The following NTRK2 variants were observed in gnomAD, a reference collection of about 807,000 sequenced individuals.
NTRK2 encodes BDNF/NT-3 growth factors receptor.
In NTRK2, 13 loss-of-function variants were observed where a neutral mutation model predicts 94.5. The observed-to-expected ratio is 0.14, with a 90% CI of 0.09 to 0.22. The LOEUF is 0.22. Among genes scored for constraint, NTRK2 ranks in the 10% least tolerant of loss-of-function variants. The probability of loss-of-function intolerance (pLI) is 1.00; values close to 1 mark genes in which losing one functional copy is unlikely to be tolerated. For synonymous variants in NTRK2, 372 were observed against 407.4 expected (o/e 0.91, Z 1.05); for missense variants, 639 against 1,071.2 (o/e 0.60, Z 5.63).
At chr9:84,766,446 C>T (rs887420213) in intron 12 of NTRK2, among the ~76,000 whole-genome samples, 2 of 151,896 alleles carry the variant, frequency 1.3e-5, no homozygotes, top group Non-Finnish European at 1.5e-5. Flanking sequence ...TACTTGGATA[C>T]GACAGAAATT....
At position 84,702,334 on chromosome 9, in the gene NTRK2, ATG is replaced by A. The variant is rs771688605; in HGVS notation, c.288-10_288-9del. 1.6e-5 allele frequency: 26 copies of A among 1,613,880 alleles called. No individual in the cohort carries two copies. Among genetic ancestry groups the A allele is most frequent in the Admixed American group, 1.7e-5 (1 of 60,008 alleles). Reference sequence around the variant, plus strand: ...GGTTCGTTCTAATGTGCATGAAATTATGTGTTTTCACAGGACAATTGTGGATT... The same window carrying A: ...GGTTCGTTCTAATGTGCATGAAATTATGTTTTCACAGGACAATTGTGGATT... On this transcript the variant is annotated splice_polypyrimidine_tract_variant and intron_variant, in intron 3 of 18. Coordinates refer to ENST00000277120, the MANE Select transcript of NTRK2 (RefSeq NM_006180.6).
At chr9:84,785,092 G>C (rs989954922) in intron 12 of NTRK2, among the ~76,000 whole-genome samples, 2 of 152,262 alleles carry the variant, frequency 1.3e-5, no homozygotes, top group African/African-American at 4.8e-5. Flanking sequence ...CATTTCACTA[G>C]AGAAAGCACC....
intron 14 of NTRK2, chr9:84,871,695 T>C: frequency 9.7e-7 from 1 of 1,029,672 alleles, no homozygotes; most frequent in African/African-American, 1.6e-5. Flanking sequence ...ATTTACAAAG[T>C]CCAGAGATGG....
chr9:84,839,225 G>A (rs146492853), intron 12 of NTRK2, among the ~76,000 whole-genome samples: 44 of 152,288 alleles, frequency 2.9e-4, no homozygotes, highest in African/African-American at 1.1e-3. Flanking sequence ...CATCAGAAGA[G>A]TCAAATACAC....
intron 12 of NTRK2, among the ~76,000 whole-genome samples, chr9:84,835,491 C>T (rs1020968133): frequency 2.0e-5 from 3 of 151,742 alleles, no homozygotes; most frequent in Admixed American, 2.0e-4. Context: ...GATATGTTTT[C>T]TGGCCACTAC....
chr9:84,880,566 C>T (rs767174897), intron 14 of NTRK2, among the ~76,000 whole-genome samples: 1 of 152,172 alleles, frequency 6.6e-6, no homozygotes, highest in Non-Finnish European at 1.5e-5. Flanking sequence ...CTTTAGAGAG[C>T]CGTTTTAAAA....
At chr9:84,955,592 G>A (rs755447868) in intron 17 of NTRK2, 75 bp downstream of exon 17, 1 of 1,222,430 alleles carries the variant, frequency 8.2e-7, no homozygotes, top group Non-Finnish European at 1.2e-6. Context: ...GTTTGCTGAG[G>A]CTGTCATAAC....
At chr9:84,816,875 A>G (rs1022036334) in intron 12 of NTRK2, among the ~76,000 whole-genome samples, 13 of 152,162 alleles carry the variant, frequency 8.5e-5, no homozygotes, top group South Asian at 2.1e-4. Flanking sequence ...TGTTGAACGA[A>G]GAACAGGTTG....
intron 12 of NTRK2, among the ~76,000 whole-genome samples, chr9:84,840,274 T>G (rs1455232964): frequency 2.0e-5 from 3 of 151,032 alleles, no homozygotes; most frequent in African/African-American, 7.3e-5. Context: ...TCTTTTTTTT[T>G]TTTTTTTTTT....
At chr9:84,758,621 C>T (rs1422882020) in intron 12 of NTRK2, among the ~76,000 whole-genome samples, 1 of 152,142 alleles carries the variant, frequency 6.6e-6, no homozygotes, top group East Asian at 1.9e-4. Context: ...AAACTCCCGA[C>T]CTCAGGTGAT....
chr9:84,797,723 TTATATATTATATATACTATAA>T (rs1564298344), intron 12 of NTRK2, among the ~76,000 whole-genome samples: 2 of 78,974 alleles, frequency 2.5e-5, no homozygotes, highest in African/African-American at 1.1e-4. Flanking sequence ...AATATATATA[TTATATATTATATATACTATAA>T]TATATATTAT....
chr9:84,723,977 C>CT (rs1446510927), intron 7 of NTRK2, among the ~76,000 whole-genome samples: 1 of 152,220 alleles, frequency 6.6e-6, no homozygotes, highest in Non-Finnish European at 1.5e-5. Flanking sequence ...AAGCGAGTGA[C>CT]TTTCCCTGTG....
At position 84,949,331 on chromosome 9, in the gene NTRK2, G is replaced by A. The variant is rs188085078; in HGVS notation, c.1937+697G>A. 2.0e-5 allele frequency among the ~76,000 whole-genome samples: 3 copies of A among 152,306 alleles called. No homozygotes were observed. In the East Asian group the frequency reaches 5.8e-4, roughly 29 times the overall value. ...ACTGAGAAGTTTTGTGGGATGTGGGGTCTTCAGAAAAAGGCAAGGCAAGGA... is the reference window on the plus strand; with the variant it reads ...ACTGAGAAGTTTTGTGGGATGTGGGATCTTCAGAAAAAGGCAAGGCAAGGA... On this transcript the variant is annotated intron_variant, in intron 16 of 18. Transcript: ENST00000277120.
rs758487248 is a variant in NTRK2, at chr9:84,745,046, T to C, written c.1269T>C (p.Thr423=). The C allele has an allele frequency of 3.1e-6, 5 of 1,613,700 alleles. No homozygotes were observed. Among genetic ancestry groups the C allele is most frequent in the Non-Finnish European group, 3.4e-6 (4 of 1,179,854 alleles). ...ATGAAATCCCTTCCACAGACGTCACTGATAAAACCGGTCGGGAACATCTCT... is the reference window on the plus strand; with the variant it reads ...ATGAAATCCCTTCCACAGACGTCACCGATAAAACCGGTCGGGAACATCTCT... ...RSNEIPSTDV[T]DKTGREHLSV... Residue 423 remains threonine, a synonymous_variant, in exon 11 of 19, where the codon ACT becomes ACC. Transcript: ENST00000277120.
At chr9:84,909,790 A>G (rs1227155524) in intron 14 of NTRK2, among the ~76,000 whole-genome samples, 1 of 152,070 alleles carries the variant, frequency 6.6e-6, no homozygotes, top group East Asian at 1.9e-4. Context: ...TATCTTTAAC[A>G]ATTCAGTTTT....
chr9:84,952,039 C>T lies in NTRK2; in HGVS notation c.1938-3244C>T, dbSNP rs115366358. Among the ~76,000 whole-genome samples the T allele has an allele frequency of 8.4e-3, 1,282 of 152,240 alleles. 9 individuals are homozygous for T. Among genetic ancestry groups the T allele is most frequent in the African/African-American group, 0.029 (1,216 of 41,528 alleles). ...CCTCTTAGAATCTGTCCAGAGTTGC[C>T]GTCTAATGAGGGGAAAAATAGACTA... On this transcript the variant is annotated intron_variant, in intron 16 of 18. Coordinates refer to ENST00000277120, the MANE Select transcript of NTRK2 (RefSeq NM_006180.6).
At chr9:84,692,409 T>C (rs2060100477) in intron 2 of NTRK2, among the ~76,000 whole-genome samples, 1 of 152,098 alleles carries the variant, frequency 6.6e-6, no homozygotes, top group Non-Finnish European at 1.5e-5. Context: ...CAATTTTTAA[T>C]TGTAGTTTCT....
intron 2 of NTRK2, among the ~76,000 whole-genome samples, chr9:84,691,444 T>A (rs2060043354): frequency 6.6e-6 from 1 of 152,174 alleles, no homozygotes; most frequent in Admixed American, 6.5e-5. Flanking sequence ...AACCAGGCTT[T>A]GATGGAAACT....
rs145803171 is a variant in NTRK2 at position 84,703,957 on chromosome 9, G to T, written c.359+1538G>T. On this transcript the variant is annotated intron_variant, in intron 4 of 18. Transcript: ENST00000277120. ...ATGCAGTCACTTAGATGTAATTAAT[G>T]ACCTCAGTGGTTAAGTTCTGGTATT... Among the ~76,000 whole-genome samples the T allele has an allele frequency of 1.8e-3, 267 of 152,258 alleles. 2 individuals carry two copies. The highest frequency in any genetic ancestry group is 3.4e-3 in the Middle Eastern group (1 of 294).
Sources: allele counts gnomAD v4.1 joint callset (sites outside exome capture counted in the v4.1 genomes callset), GRCh38; gene constraint gnomAD v4.1.1; transcripts MANE v1.5; gene names NCBI Gene and HGNC (gene_info 2026-07-23, HGNC 2026-07-21).